Variants in PDCL2 observed in about 807,000 individuals in gnomAD.
PDCL2 encodes the protein phosducin like 2.
A neutral mutation model predicts 30.3 loss-of-function variants in PDCL2; 23 were observed. The observed-to-expected ratio is 0.76, with a 90% CI of 0.55 to 1.08. PDCL2 has a LOEUF of 1.08. PDCL2 is among the 50% of genes least tolerant of loss of function. PDCL2 has a pLI of 0.00. For missense variants in PDCL2, 243 were observed against 282.3 expected (o/e 0.86, Z 1.00); for synonymous variants, 68 against 86.2 (o/e 0.79, Z 1.17).
chr4:55,580,052 G>A lies in PDCL2; in HGVS notation c.218+769C>T, dbSNP rs576269750. Among the ~76,000 whole-genome samples, 12 of 150,826 alleles carry A rather than the reference G, an allele frequency of 8.0e-5. 1 individual carries two copies. The highest frequency in any genetic ancestry group is 2.9e-4 in the African/African-American group (12 of 41,006). ...AGTAGAGACGGGGTTTCTGCATGTT[G>A]GTCAGGCTGGTCTCAAACTCCCGAC... On this transcript the variant is annotated intron_variant, in intron 3 of 5. Transcript: ENST00000295645.
chr4:55,562,051 A>T (rs946203217), intron 5 of PDCL2, among the ~76,000 whole-genome samples: 1 of 137,180 alleles, frequency 7.3e-6, no homozygotes, highest in Admixed American at 7.3e-5. Context: ...GAGAATGTGT[A>T]AAAAAAGTGT....
intron 1 of PDCL2, among the ~76,000 whole-genome samples, chr4:55,585,459 C>A (rs1311806582): frequency 1.3e-5 from 2 of 151,934 alleles, no homozygotes; most frequent in African/African-American, 4.8e-5. Flanking sequence ...ACCCGGGAGG[C>A]GGAGGTTGCA....
chr4:55,575,907 C>T (rs907860433), intron 3 of PDCL2, among the ~76,000 whole-genome samples: 1 of 152,036 alleles, frequency 6.6e-6, no homozygotes, highest in African/African-American at 2.4e-5. Context: ...ACCAAGGGAC[C>T]TAGACCTGCC....
intron 5 of PDCL2, among the ~76,000 whole-genome samples, chr4:55,560,076 C>T (rs2110151762): frequency 6.6e-6 from 1 of 151,410 alleles, no homozygotes; most frequent in African/African-American, 2.4e-5. Flanking sequence ...TGCTTAATTC[C>T]ACTGAACTGT....
chr4:55,556,557 C>T lies in PDCL2; in HGVS notation c.726G>A (p.Ter242=), dbSNP rs1731971164. 4 of 1,535,802 alleles carry T rather than the reference C, an allele frequency of 2.6e-6. No individual in the cohort carries two copies. The South Asian group carries it at 3.7e-5, about 14-fold the overall frequency. ...DSSNSDNDTK[*] is the part of the protein sequence containing the mutation. Reference sequence around the variant, plus strand: ...AAAGCTATTTATTGAATATTTCTCTCTATTTGGTATCATTATCACTGTTGG... The same window carrying T: ...AAAGCTATTTATTGAATATTTCTCTTTATTTGGTATCATTATCACTGTTGG... Residue 242 remains the stop codon, a stop_retained_variant, in exon 6 of 6, where the codon TAG becomes TAA. Coordinates refer to ENST00000295645, the MANE Select transcript of PDCL2 (RefSeq NM_152401.3).
intron 3 of PDCL2, among the ~76,000 whole-genome samples, chr4:55,578,326 G>A (rs1381569618): frequency 6.6e-6 from 1 of 152,114 alleles, no homozygotes; most frequent in Non-Finnish European, 1.5e-5. Flanking sequence ...GCTCCAGCAA[G>A]CTGTGTCAGA....
At chr4:55,577,266 C>T (rs1732592900) in intron 3 of PDCL2, among the ~76,000 whole-genome samples, 2 of 152,170 alleles carry the variant, frequency 1.3e-5, no homozygotes, top group Non-Finnish European at 2.9e-5. Context: ...AATTACCTCC[C>T]TAAGGCTCCA....
chr4:55,587,840 G>C (rs1351306499), intron 1 of PDCL2, among the ~76,000 whole-genome samples: 2 of 152,084 alleles, frequency 1.3e-5, no homozygotes, highest in African/African-American at 4.8e-5. Context: ...ACAGGTTTCA[G>C]CCACTGTGTC....
chr4:55,590,275 A>T (rs1296208449), intron 1 of PDCL2, among the ~76,000 whole-genome samples: 1 of 148,022 alleles, frequency 6.8e-6, no homozygotes, highest in Non-Finnish European at 1.5e-5. Flanking sequence ...CTTGAGCCCA[A>T]CAGTTTGAGA....
intron 1 of PDCL2, among the ~76,000 whole-genome samples, chr4:55,586,115 T>C (rs570818864): frequency 6.6e-6 from 1 of 152,320 alleles, no homozygotes; most frequent in East Asian, 1.9e-4. Context: ...TGCATTTCCC[T>C]CTTAAATCTG....
chr4:55,585,325 C>T (rs994096452), intron 1 of PDCL2, among the ~76,000 whole-genome samples: 3 of 152,044 alleles, frequency 2.0e-5, no homozygotes, highest in Non-Finnish European at 2.9e-5. Context: ...GTCAGGAGTT[C>T]GAGACCAGCC....
intron 3 of PDCL2, among the ~76,000 whole-genome samples, chr4:55,571,736 A>C (rs1325015897): frequency 6.6e-6 from 1 of 150,406 alleles, no homozygotes; most frequent in African/African-American, 2.5e-5. Flanking sequence ...AAACATTTCA[A>C]GTAAAATCTC....
rs1200115368 is a variant in PDCL2 at position 55,557,934 on chromosome 4, C to T, written c.572-1223G>A. On this transcript the variant is annotated intron_variant, in intron 5 of 5. Transcript: ENST00000295645. The stretch of plus-strand genomic sequence containing the variant: ...CAGCCTGGCCAACATTGTGAAACTC[C>T]ATCTCTACTAAAAATACAAAAAAAA... 2.3e-5 allele frequency among the ~76,000 whole-genome samples: 3 copies of T among 131,144 alleles called. No individual in the cohort carries two copies. The South Asian group carries it at 8.1e-4, about 35-fold the overall frequency. 86.0% of individuals were successfully genotyped at this position (131,144 alleles called of 152,430 possible).
intron 4 of PDCL2, among the ~76,000 whole-genome samples, chr4:55,566,031 A>G (rs1732259412): frequency 8.3e-6 from 1 of 120,022 alleles, no homozygotes; most frequent in Admixed American, 1.2e-4. Flanking sequence ...CCCAGGCTAG[A>G]GTACAGTGAT....
chr4:55,578,591 T>G (rs1327154258), intron 3 of PDCL2, among the ~76,000 whole-genome samples: 3 of 133,380 alleles, frequency 2.2e-5, no homozygotes, highest in South Asian at 2.2e-4. Context: ...CATCAGTGGG[T>G]TTTTTTTTTT....
intron 5 of PDCL2, 146 bp downstream of exon 5, chr4:55,562,258 C>T (rs1732153504): frequency 2.2e-6 from 1 of 454,208 alleles, no homozygotes; most frequent in Admixed American, 4.3e-5. Context: ...TAGAGTATTA[C>T]TATAGGAAAA....
At chr4:55,579,146 C>G (rs1732642502) in intron 3 of PDCL2, among the ~76,000 whole-genome samples, 1 of 148,982 alleles carries the variant, frequency 6.7e-6, no homozygotes, top group Non-Finnish European at 1.5e-5. Flanking sequence ...AACTTTGGCC[C>G]TTGGGAGATC....
intron 4 of PDCL2, among the ~76,000 whole-genome samples, chr4:55,563,932 T>G (rs1202160802): frequency 6.6e-6 from 1 of 152,162 alleles, no homozygotes; most frequent in Non-Finnish European, 1.5e-5. Flanking sequence ...CTCAGTTAAC[T>G]TTGGTCCTAA....
intron 3 of PDCL2, among the ~76,000 whole-genome samples, chr4:55,580,572 C>T (rs892013605): frequency 4.6e-5 from 7 of 152,038 alleles, no homozygotes; most frequent in Non-Finnish European, 8.8e-5. Context: ...CCACTTTAAT[C>T]GTATGTAGCT....
Sources: gnomAD v4.1 joint callset for allele counts (sites outside exome capture counted in the v4.1 genomes callset) on GRCh38, gnomAD v4.1.1 for gene constraint, MANE v1.5 for transcripts, NCBI Gene and HGNC (gene_info 2026-07-23, HGNC 2026-07-21) for gene names.